CTIF: variants seen among roughly 807,000 people sequenced by gnomAD.
CTIF encodes the protein cap binding complex dependent translation initiation factor.
In CTIF, 21 loss-of-function variants were observed where a neutral mutation model predicts 66.0. That is an observed-to-expected ratio of 0.32 (90% confidence interval 0.23 to 0.46). CTIF has a LOEUF of 0.46. Ranked by LOEUF, CTIF falls within the 20% of genes least tolerant of loss-of-function variation. The pLI, the probability that CTIF is intolerant of heterozygous loss-of-function variation, is 1.00. For synonymous variants in CTIF, 345 were observed against 326.4 expected (o/e 1.06, Z -0.62); for missense variants, 739 against 812.7 (o/e 0.91, Z 1.10).
chr18:48,642,747 A>G (rs1488847810), intron 3 of CTIF, among the ~76,000 whole-genome samples: 2 of 152,222 alleles, frequency 1.3e-5, no homozygotes, highest in Non-Finnish European at 2.9e-5. Flanking sequence ...AGTAACATTA[A>G]CATTAAACAA....
intron 9 of CTIF, among the ~76,000 whole-genome samples, chr18:48,797,919 C>A (rs1264240723): frequency 6.6e-6 from 1 of 152,164 alleles, no homozygotes; most frequent in Non-Finnish European, 1.5e-5. Flanking sequence ...GAAGCAGAGC[C>A]CTCGGTGGTG....
chr18:48,683,660 C>T (rs572550503), intron 6 of CTIF, among the ~76,000 whole-genome samples: 4 of 152,120 alleles, frequency 2.6e-5, no homozygotes, highest in East Asian at 1.9e-4. Flanking sequence ...CTGCCTCTAG[C>T]GGTCTAGGCC....
chr18:48,738,457 C>A (rs111936443), intron 7 of CTIF, among the ~76,000 whole-genome samples: 4 of 152,184 alleles, frequency 2.6e-5, no homozygotes, highest in Non-Finnish European at 4.4e-5. Context: ...TCTGCCCTCC[C>A]CCTTCACACT....
intron 9 of CTIF, among the ~76,000 whole-genome samples, chr18:48,777,362 G>A (rs1173603059): frequency 2.0e-5 from 3 of 152,188 alleles, no homozygotes; most frequent in Non-Finnish European, 2.9e-5. Flanking sequence ...GATGGTGACC[G>A]CCACCAAGCC....
At chr18:48,569,698 A>T (rs1207723647) in intron 1 of CTIF, among the ~76,000 whole-genome samples, 1 of 152,146 alleles carries the variant, frequency 6.6e-6, no homozygotes, top group Non-Finnish European at 1.5e-5. Context: ...TCCAAAGACC[A>T]GTTCAGTTCG....
intron 1 of CTIF, among the ~76,000 whole-genome samples, chr18:48,585,948 A>G (rs542144599): frequency 6.6e-6 from 1 of 152,308 alleles, no homozygotes; most frequent in East Asian, 1.9e-4. Flanking sequence ...TTAAAAAATA[A>G]CTTGCAAATG....
intron 7 of CTIF, among the ~76,000 whole-genome samples, chr18:48,757,277 G>A (rs772743574): frequency 1.3e-5 from 2 of 152,044 alleles, no homozygotes; most frequent in Non-Finnish European, 2.9e-5. Context: ...AGTATTGGGG[G>A]TTAAGGCTTC....
rs367566894 is a variant in CTIF, at chr18:48,758,284, G to C, written c.950G>C (p.Gly317Ala). 4.2e-5 allele frequency: 67 copies of C among 1,613,460 alleles called. No individual in the cohort carries two copies. The East Asian group carries it at 7.1e-4, about 17-fold the overall frequency. Residue 317 changes from glycine to alanine, a missense_variant, in exon 8 of 12, where the codon GGG becomes GCG. By Grantham distance (60) the Gly-to-Ala change is moderately conservative. Transcript: ENST00000256413. ...ASERLPPQQS[G>A]GPEVETKRKD... ...GAGCGGCTGCCCCCACAGCAGTCAG[G>C]GGGGCCAGAGGTTGAGACAAAACGT... is the stretch of plus-strand genomic sequence containing the variant.
At chr18:48,834,052 C>A (rs146931050) in intron 10 of CTIF, among the ~76,000 whole-genome samples, 4 of 152,076 alleles carry the variant, frequency 2.6e-5, no homozygotes, top group Non-Finnish European at 5.9e-5. Context: ...CCTCCCCTCC[C>A]GTTCTCTTCC....
intron 10 of CTIF, among the ~76,000 whole-genome samples, chr18:48,846,572 T>G (rs2069080888): frequency 7.0e-6 from 1 of 142,188 alleles, no homozygotes; most frequent in African/African-American, 2.6e-5. Context: ...AAAGGATGGA[T>G]GGGTAGGTGG....
At chr18:48,803,502 G>A (rs753071530) in intron 9 of CTIF, among the ~76,000 whole-genome samples, 1 of 152,200 alleles carries the variant, frequency 6.6e-6, no homozygotes, top group Non-Finnish European at 1.5e-5. Flanking sequence ...AATTTGACAT[G>A]ATGCTCAGGA....
At chr18:48,703,492 G>C (rs555189343) in intron 6 of CTIF, among the ~76,000 whole-genome samples, 2 of 152,322 alleles carry the variant, frequency 1.3e-5, no homozygotes, top group East Asian at 1.9e-4. Flanking sequence ...AGACTTTCTT[G>C]TGTCTGTATA....
chr18:48,825,141 A>G (rs569629949), intron 10 of CTIF, among the ~76,000 whole-genome samples: 1 of 152,260 alleles, frequency 6.6e-6, no homozygotes, highest in East Asian at 1.9e-4. Context: ...GGAGGAAGGC[A>G]GGGCGCTTTC....
chr18:48,708,438 ATGGAGCTTG>A, intron 6 of CTIF, among the ~76,000 whole-genome samples: 1 of 152,332 alleles, frequency 6.6e-6, no homozygotes, highest in Admixed American at 6.5e-5. Context: ...GGGGTTCTCA[ATGGAGCTTG>A]TGTCAACACA....
intron 7 of CTIF, among the ~76,000 whole-genome samples, chr18:48,729,812 C>G (rs910826905): frequency 2.0e-5 from 3 of 152,134 alleles, no homozygotes; most frequent in African/African-American, 7.2e-5. Context: ...GGAGAGAAGT[C>G]CCTCAGAAAC....
At chr18:48,804,265 C>A (rs961880529) in intron 9 of CTIF, among the ~76,000 whole-genome samples, 2 of 152,238 alleles carry the variant, frequency 1.3e-5, no homozygotes, top group African/African-American at 4.8e-5. Context: ...GGCTGCAGCC[C>A]AGTGCCCACA....
chr18:48,742,416 A>G (rs964429484), intron 7 of CTIF, among the ~76,000 whole-genome samples: 1 of 152,188 alleles, frequency 6.6e-6, no homozygotes, highest in Admixed American at 6.5e-5. Flanking sequence ...ATGCTCCCCA[A>G]AGGGGCTGCA....
In CTIF at chr18:48,817,372, G is replaced by C. The variant is rs2068388572; in HGVS notation, c.1523G>C (p.Arg508Thr). ...VLVCPIYTCL[R>T]ELLQSQDVKE... ...GTGTGCCCCATCTACACCTGCCTCAGGGAGGTAAGAGACCTGCCGCCTGTG... is the reference window on the plus strand; with the variant it reads ...GTGTGCCCCATCTACACCTGCCTCACGGAGGTAAGAGACCTGCCGCCTGTG... Residue 508 changes from arginine (R) to threonine (T), a missense_variant, in exon 10 of 12, where the codon AGG (arginine) becomes ACG (threonine). Physicochemically the swap from Arg to Thr is moderately conservative, Grantham distance 71 (BLOSUM62 -1). Transcript: ENST00000256413. 6.2e-7 allele frequency: 1 copy of C among 1,610,706 alleles called. No individual in the cohort carries two copies. The highest frequency in any genetic ancestry group is 1.1e-5 in the South Asian group (1 of 90,880).
intron 6 of CTIF, among the ~76,000 whole-genome samples, chr18:48,706,925 G>C (rs1051270609): frequency 9.8e-5 from 15 of 152,348 alleles, no homozygotes; most frequent in African/African-American, 3.6e-4. Flanking sequence ...ATGTTAGACA[G>C]ACAGGGAACT....
Sources: gnomAD v4.1 joint callset for allele counts (sites outside exome capture counted in the v4.1 genomes callset) on GRCh38, gnomAD v4.1.1 for gene constraint, MANE v1.5 for transcripts, NCBI Gene and HGNC (gene_info 2026-07-23, HGNC 2026-07-21) for gene names.